SPECC1: variants seen among roughly 807,000 people sequenced by gnomAD.
SPECC1 encodes the protein cytospin-B.
In SPECC1, 62 loss-of-function variants were observed where a neutral mutation model predicts 104.1. That is an observed-to-expected ratio of 0.60 (90% confidence interval 0.49 to 0.74). The LOEUF is 0.74. Ranked by LOEUF, SPECC1 falls within the 30% of genes least tolerant of loss-of-function variation. The probability of loss-of-function intolerance (pLI) is 0.00; values close to 1 mark genes in which losing one functional copy is unlikely to be tolerated. For synonymous variants in SPECC1, 513 were observed against 501.6 expected (o/e 1.02, Z -0.30); for missense variants, 1,306 against 1,310.5 (o/e 1.00, Z 0.05).
At chr17:20,291,102 G>A (rs72832518) in intron 12 of SPECC1, among the ~76,000 whole-genome samples, 8,585 of 152,296 alleles carry the variant, frequency 0.056, 305 homozygotes, top group Non-Finnish European at 0.079. Context: ...TCCTTGGGGC[G>A]GTAGCATTCA....
chr17:20,248,345 A>G (rs1260647765), intron 9 of SPECC1, among the ~76,000 whole-genome samples: 6 of 152,168 alleles, frequency 3.9e-5, no homozygotes, highest in Non-Finnish European at 1.5e-5. Flanking sequence ...CCAGTCCCTT[A>G]TAGTTCAATA....
intron 1 of SPECC1, among the ~76,000 whole-genome samples, chr17:20,014,288 A>G (rs1165282838): frequency 6.6e-6 from 1 of 152,168 alleles, no homozygotes; most frequent in Non-Finnish European, 1.5e-5. Flanking sequence ...GTTTATGTGA[A>G]CTCTCCATGA....
intron 2 of SPECC1, among the ~76,000 whole-genome samples, chr17:20,099,015 G>T (rs2047790799): frequency 6.6e-6 from 1 of 152,148 alleles, no homozygotes; most frequent in Non-Finnish European, 1.5e-5. Context: ...GGCCTGAGTT[G>T]GAATCCTGGC....
chr17:20,261,480 C>A (rs968255989), intron 12 of SPECC1, among the ~76,000 whole-genome samples: 1 of 135,446 alleles, frequency 7.4e-6, no homozygotes, highest in Admixed American at 8.2e-5. Context: ...CCAGGCTGGG[C>A]GACAGAGCAA....
At chr17:20,038,765 G>A (rs2045203055) in intron 1 of SPECC1, among the ~76,000 whole-genome samples, 1 of 152,154 alleles carries the variant, frequency 6.6e-6, no homozygotes, top group South Asian at 2.1e-4. Context: ...CAATAAAAAT[G>A]AATATCAGAA....
intron 3 of SPECC1, among the ~76,000 whole-genome samples, chr17:20,137,702 A>C (rs1395829559): frequency 1.3e-5 from 2 of 152,036 alleles, no homozygotes; most frequent in East Asian, 3.9e-4. Flanking sequence ...GTCTAACTCC[A>C]TTGCCCAGGC....
intron 1 of SPECC1, among the ~76,000 whole-genome samples, chr17:20,087,230 G>A (rs1037426244): frequency 6.6e-6 from 1 of 152,168 alleles, no homozygotes; most frequent in Admixed American, 6.5e-5. Flanking sequence ...AAACTAGGGT[G>A]TAAACCAAAA....
chr17:20,038,142 A>C (rs1264361847), intron 1 of SPECC1, among the ~76,000 whole-genome samples: 1 of 151,896 alleles, frequency 6.6e-6, no homozygotes, highest in Non-Finnish European at 1.5e-5. Context: ...AGGTTTGTCA[A>C]TTTTATTAAT....
Position 20,180,868 on chromosome 17 carries a change from T to A in SPECC1, c.284-23465T>A, listed in dbSNP as rs140453706. On this transcript the variant is annotated intron_variant, in intron 3 of 14. Coordinates refer to ENST00000395527, the MANE Select transcript of SPECC1 (RefSeq NM_001243439.2). ...TGCGAAAATGTACAGGGAATGTACA[T>A]TTTCCCCTAGGTCTAGGGAGTATTT... is the stretch of plus-strand genomic sequence containing the variant. Among the ~76,000 whole-genome samples the A allele has an allele frequency of 8.5e-5, 13 of 152,262 alleles. No homozygotes were observed. The East Asian group carries it at 2.3e-3, about 27-fold the overall frequency.
In SPECC1 at chr17:20,037,104, G is replaced by T. The variant is rs75683783; in HGVS notation, c.-22+27680G>T. Among the ~76,000 whole-genome samples the T allele has an allele frequency of 2.7e-3, 411 of 152,196 alleles. 16 individuals are homozygous for T. In the East Asian group the frequency reaches 0.076, roughly 28 times the overall value. The stretch of plus-strand genomic sequence containing the variant: ...CCTCTTTAGTACGTTCATATAGTGG[G>T]TTACCTTGTTTTCAAATGTTGAACC... On this transcript the variant is annotated intron_variant, in intron 1 of 14. Transcript: ENST00000395527.
intron 3 of SPECC1, among the ~76,000 whole-genome samples, chr17:20,162,147 T>C (rs2151133333): frequency 6.6e-6 from 1 of 151,330 alleles, no homozygotes; most frequent in African/African-American, 2.4e-5. Context: ...TTTTTATTTT[T>C]TTATATATAT....
intron 3 of SPECC1, among the ~76,000 whole-genome samples, chr17:20,159,832 A>G (rs1462252630): frequency 3.3e-5 from 5 of 152,212 alleles, no homozygotes; most frequent in Non-Finnish European, 7.3e-5. Flanking sequence ...CCAGGTTGTC[A>G]TCACCTCATT....
At chr17:20,258,473 G>A (rs571377447) in intron 11 of SPECC1, among the ~76,000 whole-genome samples, 47 of 152,204 alleles carry the variant, frequency 3.1e-4, no homozygotes, top group African/African-American at 1.1e-3. Context: ...GCTTCTCTGT[G>A]TTGGTTAATT....
rs1302869487 is a variant in SPECC1 at position 20,205,644 on chromosome 17, T to C, written c.1595T>C (p.Met532Thr). 6.2e-6 allele frequency: 10 copies of C among 1,614,082 alleles called. No individual in the cohort carries two copies. The highest frequency in any genetic ancestry group is 7.6e-6 in the Non-Finnish European group (9 of 1,179,998). The change falls in exon 4 of 15, where the codon ATG (methionine) becomes ACG (threonine). Residue 532 changes from methionine to threonine, a missense_variant. Around this residue, in one of 2 missense-constraint regions of SPECC1, gnomAD observed 1,177 missense variants for 1,139.9 expected, o/e 1.03. Transcript: ENST00000395527. ...GAACTGGAACGGCATAATAATAACA[T>C]GATGGCCAAAACTTTGGAAGAGTGT... ...FLELERHNNN[M>T]MAKTLEECRV...
chr17:20,060,581 A>G (rs1442797672), intron 1 of SPECC1, among the ~76,000 whole-genome samples: 4 of 152,224 alleles, frequency 2.6e-5, no homozygotes, highest in African/African-American at 9.6e-5. Flanking sequence ...GATAAATTCC[A>G]ATTTTTTAAT....
intron 1 of SPECC1, among the ~76,000 whole-genome samples, chr17:20,016,142 C>T (rs1386131382): frequency 2.0e-5 from 3 of 148,056 alleles, no homozygotes; most frequent in East Asian, 2.1e-4. Flanking sequence ...GGTGTGAACC[C>T]GGGAGGCGGA....
intron 1 of SPECC1, among the ~76,000 whole-genome samples, chr17:20,066,185 T>C (rs954424587): frequency 1.2e-4 from 19 of 152,210 alleles, no homozygotes; most frequent in African/African-American, 4.1e-4. Flanking sequence ...TCCTGAATCA[T>C]TAGAGTCTCC....
chr17:20,117,311 T>A (rs1211203514), intron 3 of SPECC1, among the ~76,000 whole-genome samples: 1 of 152,076 alleles, frequency 6.6e-6, no homozygotes, highest in Non-Finnish European at 1.5e-5. Context: ...CATCAGAGAA[T>A]TAATTTGTAG....
In SPECC1 at chr17:20,277,795, T is replaced by C. The variant is rs74713345; in HGVS notation, c.2940+17501T>C. Among the ~76,000 whole-genome samples the C allele has an allele frequency of 2.5e-3, 380 of 152,296 alleles. 1 individual carries two copies. Among genetic ancestry groups the C allele is most frequent in the African/African-American group, 7.7e-3 (319 of 41,564 alleles). On this transcript the variant is annotated intron_variant, in intron 12 of 14. Coordinates refer to ENST00000395527, the MANE Select transcript of SPECC1 (RefSeq NM_001243439.2). ...CCGCTTCGTCTCTGAATTTACCCATTCTAGCCACCTTGTAGACGTGGACTT... is the reference window on the plus strand; with the variant it reads ...CCGCTTCGTCTCTGAATTTACCCATCCTAGCCACCTTGTAGACGTGGACTT...
Sources: gnomAD v4.1 joint callset for allele counts (sites outside exome capture counted in the v4.1 genomes callset) on GRCh38, gnomAD v4.1.1 for gene constraint, gnomAD v4.1.1 regional missense constraint, MANE v1.5 for transcripts, NCBI Gene and HGNC (gene_info 2026-07-23, HGNC 2026-07-21) for gene names.